Variants in SLC10A7 observed in about 807,000 individuals in gnomAD.
The protein encoded by SLC10A7 is sodium/bile acid cotransporter 7.
A neutral mutation model predicts 43.2 loss-of-function variants in SLC10A7; 29 were observed. The observed-to-expected ratio is 0.67, with a 90% CI of 0.50 to 0.92. SLC10A7 has a LOEUF of 0.92. Ranked by LOEUF, SLC10A7 falls within the 40% of genes least tolerant of loss-of-function variation. The pLI, the probability that SLC10A7 is intolerant of heterozygous loss-of-function variation, is 0.00. For synonymous variants in SLC10A7, 152 were observed against 144.8 expected (o/e 1.05, Z -0.35); for missense variants, 295 against 403.2 (o/e 0.73, Z 2.30).
chr4:146,356,827 G>A (rs1178338726), intron 5 of SLC10A7, among the ~76,000 whole-genome samples: 3 of 152,128 alleles, frequency 2.0e-5, no homozygotes, highest in Admixed American at 1.3e-4. Flanking sequence ...ATCAACAAAT[G>A]GCTAGAAGTT....
chr4:146,394,882 C>T (rs894814078), intron 5 of SLC10A7, among the ~76,000 whole-genome samples: 5 of 152,092 alleles, frequency 3.3e-5, no homozygotes, highest in African/African-American at 9.7e-5. Context: ...AATTTCTATT[C>T]CTAAAAACTC....
chr4:146,427,200 T>C (rs1729436046), intron 5 of SLC10A7, among the ~76,000 whole-genome samples: 1 of 152,144 alleles, frequency 6.6e-6, no homozygotes, highest in Admixed American at 6.5e-5. Context: ...CTGGGCATGG[T>C]GTTGCACGCC....
intron 6 of SLC10A7, among the ~76,000 whole-genome samples, chr4:146,322,878 C>T (rs1366572267): frequency 6.6e-6 from 1 of 152,052 alleles, no homozygotes; most frequent in Non-Finnish European, 1.5e-5. Context: ...TCCTCTCCAG[C>T]ACCTGTTGTT....
At chr4:146,396,668 C>T (rs909119327) in intron 5 of SLC10A7, among the ~76,000 whole-genome samples, 3 of 151,878 alleles carry the variant, frequency 2.0e-5, no homozygotes, top group Non-Finnish European at 4.4e-5. Context: ...TCTTTATGTA[C>T]CAAATTTTTA....
At chr4:146,434,034 GAATA>G (rs1466723409) in intron 5 of SLC10A7, among the ~76,000 whole-genome samples, 3 of 151,676 alleles carry the variant, frequency 2.0e-5, no homozygotes, top group Admixed American at 1.3e-4. Context: ...AATAGCGAAA[GAATA>G]AATACTGTAT....
chr4:146,465,330 C>T (rs1326948062), intron 4 of SLC10A7, among the ~76,000 whole-genome samples: 1 of 151,860 alleles, frequency 6.6e-6, no homozygotes, highest in Non-Finnish European at 1.5e-5. Context: ...AAAACTGATC[C>T]CTGATTCCTT....
At chr4:146,340,317 T>A (rs1215370232) in intron 5 of SLC10A7, among the ~76,000 whole-genome samples, 4 of 151,802 alleles carry the variant, frequency 2.6e-5, no homozygotes, top group African/African-American at 7.3e-5. Flanking sequence ...GTCAATGGAC[T>A]TTTTTTGGTA....
At chr4:146,357,341 G>A (rs1383358768) in intron 5 of SLC10A7, among the ~76,000 whole-genome samples, 4 of 152,142 alleles carry the variant, frequency 2.6e-5, no homozygotes, top group Admixed American at 2.6e-4. Flanking sequence ...GTGTATATAT[G>A]TGCATGATAA....
chr4:146,442,959 T>C, intron 4 of SLC10A7, 138 bp from the exon 5 acceptor site: 1 of 637,116 alleles, frequency 1.6e-6, no homozygotes, highest in Non-Finnish European at 2.6e-6. Flanking sequence ...AGTCACTGCT[T>C]ACAAAAATTG....
intron 4 of SLC10A7, among the ~76,000 whole-genome samples, chr4:146,496,023 G>A (rs1735868683): frequency 6.6e-6 from 1 of 152,174 alleles, no homozygotes; most frequent in African/African-American, 2.4e-5. Context: ...AATGCTGCAA[G>A]TAGCAAACAC....
At chr4:146,307,238 C>T (rs909619113) in intron 6 of SLC10A7, among the ~76,000 whole-genome samples, 1 of 152,118 alleles carries the variant, frequency 6.6e-6, no homozygotes, top group Non-Finnish European at 1.5e-5. Context: ...CCATCATTGG[C>T]CCTGTGTTCA....
intron 5 of SLC10A7, among the ~76,000 whole-genome samples, chr4:146,347,112 G>A (rs1056633426): frequency 2.0e-5 from 3 of 152,168 alleles, no homozygotes; most frequent in Non-Finnish European, 4.4e-5. Flanking sequence ...ATGGCCCAGA[G>A]AAGGGTAGAG....
intron 5 of SLC10A7, among the ~76,000 whole-genome samples, chr4:146,423,708 A>G (rs915947161): frequency 6.6e-6 from 1 of 152,244 alleles, no homozygotes. Context: ...AATGAGAAAA[A>G]TAAGAAGAAC....
intron 7 of SLC10A7, among the ~76,000 whole-genome samples, chr4:146,295,874 C>T (rs1279589039): frequency 6.6e-6 from 1 of 152,134 alleles, no homozygotes; most frequent in African/African-American, 2.4e-5. Flanking sequence ...CAAAATTTCT[C>T]TCTCTGCAAT....
At chr4:146,375,808 A>T (rs1737152013) in intron 5 of SLC10A7, among the ~76,000 whole-genome samples, 1 of 152,152 alleles carries the variant, frequency 6.6e-6, no homozygotes. Flanking sequence ...GGTGTCCTCT[A>T]ATTCAATTCT....
chr4:146,425,622 G>A lies in SLC10A7; in HGVS notation c.435+17161C>T, dbSNP rs184367573. Reference sequence around the variant, plus strand: ...TTGAAAATAAAAGAAATACCTTTACGGTAAAAACATGCAAGATCACCTTAA... The same window carrying A: ...TTGAAAATAAAAGAAATACCTTTACAGTAAAAACATGCAAGATCACCTTAA... On this transcript the variant is annotated intron_variant, in intron 5 of 11. Coordinates refer to ENST00000335472, the MANE Select transcript of SLC10A7 (RefSeq NM_001029998.6). 2.0e-4 allele frequency among the ~76,000 whole-genome samples: 31 copies of A among 152,134 alleles called. No individual in the cohort carries two copies. In the East Asian group the frequency reaches 5.2e-3, roughly 26 times the overall value.
At chr4:146,393,191 C>CA (rs765135958) in intron 5 of SLC10A7, among the ~76,000 whole-genome samples, 23,024 of 42,232 alleles carry the variant, frequency 0.55, 8,564 homozygotes, top group East Asian at 0.74. Flanking sequence ...GGCCCTGTCT[C>CA]AAAAAAAAAA....
chr4:146,352,255 AC>A (rs1461141536), intron 5 of SLC10A7, among the ~76,000 whole-genome samples: 12 of 95,328 alleles, frequency 1.3e-4, no homozygotes, highest in Admixed American at 5.2e-4. Flanking sequence ...GATAAAACAG[AC>A]TTTAAACCAA....
At chr4:146,269,916 G>A (rs1242982439) in intron 10 of SLC10A7, among the ~76,000 whole-genome samples, 1 of 152,088 alleles carries the variant, frequency 6.6e-6, no homozygotes, top group Non-Finnish European at 1.5e-5. Flanking sequence ...GCACATTAAC[G>A]ATTTTTAATA....
Sources: gnomAD v4.1 joint callset for allele counts (sites outside exome capture counted in the v4.1 genomes callset) on GRCh38, gnomAD v4.1.1 for gene constraint, MANE v1.5 for transcripts, NCBI Gene and HGNC (gene_info 2026-07-23, HGNC 2026-07-21) for gene names.